The following LRRC7 variants were observed in gnomAD, a reference collection of about 807,000 sequenced individuals.
LRRC7 encodes leucine-rich repeat-containing protein 7.
LRRC7 carries 23 observed loss-of-function variants against 175.7 expected under a neutral mutation model. That is an observed-to-expected ratio of 0.13 (90% CI 0.09 to 0.19). The LOEUF (loss-of-function observed/expected upper bound fraction) is 0.19, where lower values mean the gene tolerates loss of function less well. LRRC7 is among the 10% of genes least tolerant of loss of function. The pLI, the probability that LRRC7 is intolerant of heterozygous loss-of-function variation, is 1.00. For synonymous variants in LRRC7, 685 were observed against 680.9 expected (o/e 1.01, Z -0.09); for missense variants, 1,354 against 1,904.7 (o/e 0.71, Z 5.38).
At chr1:69,697,125 A>G (rs1263854270) in intron 2 of LRRC7, among the ~76,000 whole-genome samples, 5 of 152,108 alleles carry the variant, frequency 3.3e-5, no homozygotes, top group African/African-American at 1.2e-4. Flanking sequence ...TAAAATCTCT[A>G]TGTTTCTCAT....
intron 2 of LRRC7, among the ~76,000 whole-genome samples, chr1:69,757,625 G>T (rs1038315678): frequency 6.6e-6 from 1 of 151,884 alleles, no homozygotes; most frequent in Non-Finnish European, 1.5e-5. Context: ...GGTAGACAGT[G>T]GACACTGGCC....
intron 3 of LRRC7, among the ~76,000 whole-genome samples, chr1:69,769,102 C>T (rs934118112): frequency 3.3e-5 from 5 of 152,020 alleles, no homozygotes; most frequent in African/African-American, 1.2e-4. Context: ...CTATAGTTAC[C>T]AGTTATTATC....
At chr1:69,643,706 G>T (rs976485194) in intron 1 of LRRC7, among the ~76,000 whole-genome samples, 2 of 151,920 alleles carry the variant, frequency 1.3e-5, no homozygotes, top group African/African-American at 4.8e-5. Context: ...TACTCATCAG[G>T]CTGAGGGATT....
At chr1:69,810,510 T>A (rs921058450) in intron 4 of LRRC7, among the ~76,000 whole-genome samples, 2 of 152,126 alleles carry the variant, frequency 1.3e-5, no homozygotes, top group African/African-American at 4.8e-5. Flanking sequence ...TCACACTACT[T>A]GACTTCAAAC....
intron 7 of LRRC7, among the ~76,000 whole-genome samples, chr1:69,872,038 T>A (rs1262016616): frequency 2.6e-5 from 4 of 152,002 alleles, no homozygotes; most frequent in Non-Finnish European, 5.9e-5. Context: ...TGAAACATTA[T>A]ATTTTCATTT....
chr1:70,097,746 A>C (rs548458623), intron 25 of LRRC7, among the ~76,000 whole-genome samples: 21 of 152,022 alleles, frequency 1.4e-4, no homozygotes, highest in African/African-American at 3.9e-4. Flanking sequence ...TTTACTAAGA[A>C]TTATGATTTC....
At chr1:70,044,133 G>A in intron 22 of LRRC7, 39 bp downstream of exon 22, 1 of 1,596,274 alleles carries the variant, frequency 6.3e-7, no homozygotes, top group Non-Finnish European at 8.6e-7. Flanking sequence ...GCATACCAAA[G>A]CCAATTAATG....
rs1666619713 is a variant in LRRC7, at chr1:70,130,517, C to T, written c.*8630C>T. Among the ~76,000 whole-genome samples, 1 of 152,184 alleles carries T rather than the reference C, an allele frequency of 6.6e-6. No homozygotes were observed. The highest frequency in any genetic ancestry group is 1.5e-5 in the Non-Finnish European group (1 of 68,020). On this transcript the variant is annotated 3_prime_UTR_variant, in exon 27 of 27. Transcript: ENST00000651989. Reference sequence around the variant, plus strand: ...TTCTCCTTTTTAAATCAGTCTTCCTCCTCTCTTCAGCATTTTTTCTAAGAC... The same window carrying T: ...TTCTCCTTTTTAAATCAGTCTTCCTTCTCTCTTCAGCATTTTTTCTAAGAC...
At chr1:69,748,472 G>A (rs1012544874) in intron 2 of LRRC7, among the ~76,000 whole-genome samples, 2 of 152,108 alleles carry the variant, frequency 1.3e-5, no homozygotes, top group Non-Finnish European at 2.9e-5. Flanking sequence ...GGAAGAAGCT[G>A]TGGAGTAAAA....
At chr1:69,654,734 C>T (rs1198386419) in intron 1 of LRRC7, among the ~76,000 whole-genome samples, 1 of 152,052 alleles carries the variant, frequency 6.6e-6, no homozygotes, top group Non-Finnish European at 1.5e-5. Flanking sequence ...GGAAGTTATA[C>T]ATATTATCTT....
At chr1:70,019,933 G>A (rs12035813) in intron 15 of LRRC7, among the ~76,000 whole-genome samples, 11,761 of 151,944 alleles carry the variant, frequency 0.077, 518 homozygotes, top group African/African-American at 0.13. Flanking sequence ...TAGGGAAAAA[G>A]TGAAAAGTAT....
At chr1:69,753,152 T>C (rs1369215491) in intron 2 of LRRC7, among the ~76,000 whole-genome samples, 2 of 152,080 alleles carry the variant, frequency 1.3e-5, no homozygotes, top group African/African-American at 4.8e-5. Flanking sequence ...TGAAACACTT[T>C]CTCCATTCCA....
intron 7 of LRRC7, among the ~76,000 whole-genome samples, chr1:69,839,816 T>C (rs1681527987): frequency 6.6e-6 from 1 of 152,062 alleles, no homozygotes; most frequent in African/African-American, 2.4e-5. Context: ...GAATTTTAAA[T>C]ATAAATTAAA....
chr1:69,575,360 C>A (rs1312005548), intron 1 of LRRC7, among the ~76,000 whole-genome samples: 3 of 152,120 alleles, frequency 2.0e-5, no homozygotes, highest in Non-Finnish European at 4.4e-5. Flanking sequence ...ATGACACTAT[C>A]CAAAAAGCAT....
At chr1:69,832,164 C>T (rs139790895) in intron 5 of LRRC7, among the ~76,000 whole-genome samples, 56 of 152,160 alleles carry the variant, frequency 3.7e-4, no homozygotes, top group Middle Eastern at 3.4e-3. Flanking sequence ...AGTATTTGGC[C>T]ATTGGACTTT....
At chr1:69,897,529 T>C (rs1001654643) in intron 7 of LRRC7, among the ~76,000 whole-genome samples, 7 of 152,204 alleles carry the variant, frequency 4.6e-5, no homozygotes, top group Admixed American at 6.5e-5. Context: ...TTATCTGTTT[T>C]GCTTTTGACT....
intron 7 of LRRC7, among the ~76,000 whole-genome samples, chr1:69,844,741 A>C (rs543831582): frequency 6.6e-6 from 1 of 152,122 alleles, no homozygotes; most frequent in Non-Finnish European, 1.5e-5. Flanking sequence ...TTCTATTTTA[A>C]ATTTTTTTAG....
intron 24 of LRRC7, among the ~76,000 whole-genome samples, chr1:70,079,854 A>G (rs1253025049): frequency 6.6e-6 from 1 of 152,220 alleles, no homozygotes; most frequent in Non-Finnish European, 1.5e-5. Flanking sequence ...ATCAGGCCCA[A>G]CTAATTATAT....
At chr1:69,988,073 A>G (rs1357647009) in intron 10 of LRRC7, among the ~76,000 whole-genome samples, 2 of 152,202 alleles carry the variant, frequency 1.3e-5, no homozygotes, top group Non-Finnish European at 2.9e-5. Context: ...GAGAACATCC[A>G]CTGGTCAAGA....
Sources: gnomAD v4.1 joint callset for allele counts (sites outside exome capture counted in the v4.1 genomes callset) on GRCh38, gnomAD v4.1.1 for gene constraint, MANE v1.5 for transcripts, NCBI Gene and HGNC (gene_info 2026-07-23, HGNC 2026-07-21) for gene names.